Variants in ZDHHC17 observed in about 807,000 individuals in gnomAD.
The protein encoded by ZDHHC17 is palmitoyltransferase ZDHHC17.
ZDHHC17 carries 40 observed loss-of-function variants against 90.3 expected under a neutral mutation model. The observed-to-expected ratio is 0.44, with a 90% CI of 0.34 to 0.58. The LOEUF (loss-of-function observed/expected upper bound fraction) is 0.58, where lower values mean the gene tolerates loss of function less well. Ranked by LOEUF, ZDHHC17 falls within the 20% of genes least tolerant of loss-of-function variation. ZDHHC17 has a pLI of 0.01. For missense variants in ZDHHC17, 614 were observed against 780.8 expected (o/e 0.79, Z 2.55); for synonymous variants, 235 against 252.4 (o/e 0.93, Z 0.65).
Position 76,846,163 on chromosome 12 carries a change from G to A in ZDHHC17, c.1423+361G>A, listed in dbSNP as rs576833964. On this transcript the variant is annotated intron_variant, in intron 13 of 16. Transcript: ENST00000426126. Reference sequence around the variant, plus strand: ...GTACACACATTAGTGTTCAAGAATGGTATAGTCTAAGGAGAGAAACTACAT... The same window carrying A: ...GTACACACATTAGTGTTCAAGAATGATATAGTCTAAGGAGAGAAACTACAT... 1.7e-3 allele frequency: 388 copies of A among 226,646 alleles called. 8 individuals are homozygous for A. In the South Asian group the frequency reaches 0.033, roughly 19 times the overall value. The allele number at this position is 226,646 out of a possible 1,614,324, so 14.0% of individuals were successfully genotyped here. A position where few individuals can be genotyped will look rare whatever the true frequency, so the allele number is the denominator to read the frequency against.
rs750753621 is a variant in ZDHHC17, at chr12:76,764,215, G to A, written c.-22G>A. ...CCTCCGCCTCGCCCGAGCCCCGGGA[G>A]GGTGAAACGCTTTCTCCCAGCATGC... On this transcript the variant is annotated 5_prime_UTR_variant, in exon 1 of 17. Coordinates refer to ENST00000426126, the MANE Select transcript of ZDHHC17 (RefSeq NM_015336.4). The A allele has an allele frequency of 6.4e-7, 1 of 1,563,814 alleles. No homozygotes were observed. The highest frequency in any genetic ancestry group is 1.2e-5 in the South Asian group (1 of 85,014).
chr12:76,765,656 T>G (rs1952421964), intron 1 of ZDHHC17, among the ~76,000 whole-genome samples: 1 of 152,262 alleles, frequency 6.6e-6, no homozygotes, highest in Admixed American at 6.5e-5. Context: ...TATTCATCTG[T>G]TCCTGTGAAA....
rs763269507 is a variant in ZDHHC17 at position 76,788,688 on chromosome 12, A to ATTTTT, written c.94-8724_94-8720dup. Among the ~76,000 whole-genome samples the ATTTTT allele has an allele frequency of 1.0e-4, 10 of 98,666 alleles. 2 individuals carry two copies. The highest frequency in any genetic ancestry group is 1.6e-4 in the African/African-American group (4 of 25,134). 64.7% of individuals were successfully genotyped at this position (98,666 alleles called of 152,430 possible). A position where few individuals can be genotyped will look rare whatever the true frequency, so the allele number is the denominator to read the frequency against. ...AAAATATATTTAAGTTGGAATCGCA[A>ATTTTT]TTTTTTTTTTTTTTTTTTTTTTTTT... On this transcript the variant is annotated intron_variant, in intron 1 of 16. Coordinates refer to ENST00000426126, the MANE Select transcript of ZDHHC17 (RefSeq NM_015336.4).
At chr12:76,847,710 T>C (rs894933505) in intron 14 of ZDHHC17, among the ~76,000 whole-genome samples, 3 of 152,034 alleles carry the variant, frequency 2.0e-5, no homozygotes, top group Non-Finnish European at 2.9e-5. Context: ...ATACAAAAAT[T>C]AGCCCGGTGT....
intron 1 of ZDHHC17, among the ~76,000 whole-genome samples, chr12:76,789,978 A>G (rs1488542272): frequency 1.3e-5 from 2 of 152,156 alleles, no homozygotes; most frequent in Admixed American, 1.3e-4. Flanking sequence ...GACAAAAACT[A>G]ATGAACTCTG....
At chr12:76,831,460 C>T (rs940698557) in intron 10 of ZDHHC17, among the ~76,000 whole-genome samples, 2 of 152,156 alleles carry the variant, frequency 1.3e-5, no homozygotes, top group Non-Finnish European at 2.9e-5. Context: ...ACATGATTCT[C>T]CTGCCTCAGC....
At chr12:76,828,322 A>C (rs1953254945) in intron 9 of ZDHHC17, 68 bp from the exon 10 acceptor site, 7 of 1,336,494 alleles carry the variant, frequency 5.2e-6, no homozygotes, top group Non-Finnish European at 3.1e-6. Flanking sequence ...TGTCATTTTC[A>C]TTTAAATAAA....
rs376192102 is a variant in ZDHHC17 at position 76,816,039 on chromosome 12, A to T, written c.771+20A>T. 2 of 1,447,758 alleles carry T rather than the reference A, an allele frequency of 1.4e-6. No individual in the cohort carries two copies. Among genetic ancestry groups the T allele is most frequent in the Non-Finnish European group, 1.8e-6 (2 of 1,095,090 alleles). 89.7% of individuals were successfully genotyped at this position (1,447,758 alleles called of 1,614,324 possible). The stretch of plus-strand genomic sequence containing the variant: ...ATCAAGGTAAAAATATTCTATATTG[A>T]TAATACTGTATGAAATGTGGCTAAT... On this transcript the variant is annotated intron_variant, in intron 7 of 16. Transcript: ENST00000426126.
chr12:76,828,642 T>G, intron 10 of ZDHHC17, 152 bp downstream of exon 10: 1 of 602,358 alleles, frequency 1.7e-6, no homozygotes, highest in African/African-American at 1.9e-5. Context: ...TAAGTAATGT[T>G]TTTAAATATT....
intron 12 of ZDHHC17, among the ~76,000 whole-genome samples, chr12:76,843,638 AT>A (rs1355016097): frequency 2.0e-5 from 3 of 152,000 alleles, no homozygotes; most frequent in Non-Finnish European, 4.4e-5. Flanking sequence ...TGTTTAAATT[AT>A]TTTTCACTTA....
chr12:76,834,394 T>A (rs1462064721), intron 10 of ZDHHC17, among the ~76,000 whole-genome samples: 1 of 152,202 alleles, frequency 6.6e-6, no homozygotes, highest in Non-Finnish European at 1.5e-5. Context: ...TGAGCTTCTT[T>A]AAACTCAAGA....
chr12:76,839,112 G>C (rs1046472547), intron 10 of ZDHHC17, among the ~76,000 whole-genome samples: 1 of 152,186 alleles, frequency 6.6e-6, no homozygotes, highest in African/African-American at 2.4e-5. Flanking sequence ...ATTGGATTAG[G>C]CTCCCACCCT....
chr12:76,783,021 C>G (rs1489162155), intron 1 of ZDHHC17, among the ~76,000 whole-genome samples: 1 of 152,034 alleles, frequency 6.6e-6, no homozygotes, highest in Admixed American at 6.6e-5. Flanking sequence ...ATGCAGGCCC[C>G]CAAATGGCAA....
intron 1 of ZDHHC17, among the ~76,000 whole-genome samples, chr12:76,794,929 C>T (rs777694624): frequency 3.3e-5 from 5 of 151,972 alleles, no homozygotes; most frequent in Non-Finnish European, 5.9e-5. Context: ...AGCATTTTGC[C>T]GTAGCACATT....
At chr12:76,795,489 A>G (rs1952809036) in intron 1 of ZDHHC17, among the ~76,000 whole-genome samples, 2 of 152,234 alleles carry the variant, frequency 1.3e-5, no homozygotes, top group East Asian at 1.9e-4. Flanking sequence ...TTTTTCAGGT[A>G]TCTTACAGCC....
At chr12:76,778,731 G>A (rs560538035) in intron 1 of ZDHHC17, among the ~76,000 whole-genome samples, 5 of 152,308 alleles carry the variant, frequency 3.3e-5, no homozygotes, top group Admixed American at 1.3e-4. Flanking sequence ...ATCTTTTCAT[G>A]TGCATATTTG....
At chr12:76,830,639 A>G (rs1953288830) in intron 10 of ZDHHC17, among the ~76,000 whole-genome samples, 1 of 152,196 alleles carries the variant, frequency 6.6e-6, no homozygotes, top group East Asian at 1.9e-4. Context: ...TAAGCTTACA[A>G]TAAGCATTGA....
intron 2 of ZDHHC17, among the ~76,000 whole-genome samples, chr12:76,798,185 T>C (rs1461734394): frequency 1.3e-5 from 2 of 152,132 alleles, no homozygotes; most frequent in African/African-American, 4.8e-5. Flanking sequence ...GGTACACAGA[T>C]TAGAAATAAA....
intron 10 of ZDHHC17, among the ~76,000 whole-genome samples, chr12:76,832,255 C>T (rs1953312217): frequency 6.6e-6 from 1 of 152,142 alleles, no homozygotes; most frequent in South Asian, 2.1e-4. Context: ...GATTCAGGTA[C>T]CTTAAGATAA....
Sources: allele counts gnomAD v4.1 joint callset (sites outside exome capture counted in the v4.1 genomes callset), GRCh38; gene constraint gnomAD v4.1.1; transcripts MANE v1.5; gene names NCBI Gene and HGNC (gene_info 2026-07-23, HGNC 2026-07-21).